ZGPAT: variants seen among roughly 807,000 people sequenced by gnomAD.
ZGPAT encodes the protein zinc finger CCCH-type and G-patch domain containing.
Under a neutral mutation model 47.9 loss-of-function variants are expected in ZGPAT, and 39 were observed. That is an observed-to-expected ratio of 0.81 (90% CI 0.63 to 1.06). The LOEUF is 1.06. Ranked by LOEUF, ZGPAT falls within the 50% of genes least tolerant of loss-of-function variation. The pLI, the probability that ZGPAT is intolerant of heterozygous loss-of-function variation, is 0.00. For synonymous variants in ZGPAT, 348 were observed against 292.9 expected, an observed-to-expected ratio of 1.19 and a Z score of -1.92; for missense variants, 717 against 681.4, an observed-to-expected ratio of 1.05 and a Z score of -0.58.
rs751698813 is a variant in ZGPAT, at chr20:63,735,299, T to A, written c.1132T>A (p.Cys378Ser). The part of the protein sequence containing the change: ...GKAGTNKPPR[C>S]RGRGARPGGR... ...GGCTGGCACCAACAAGCCCCCCAGG[T>A]GCCGGGGAAGAGGGGCCAGGCCTGG... Residue 378 changes from cysteine to serine, a missense_variant, in exon 6 of 7, where the codon TGC becomes AGC. By Grantham distance (112) the Cys-to-Ser change is moderately radical. Coordinates refer to ENST00000355969, the MANE Select transcript of ZGPAT (RefSeq NM_181485.3). 132 of 1,601,630 alleles carry A rather than the reference T, an allele frequency of 8.2e-5. No individual in the cohort carries two copies. Among genetic ancestry groups the A allele is most frequent in the Non-Finnish European group, 1.1e-4 (126 of 1,174,128 alleles).
chr20:63,726,966 C>T (rs1433598835), intron 2 of ZGPAT, among the ~76,000 whole-genome samples: 4 of 152,188 alleles, frequency 2.6e-5, no homozygotes, highest in South Asian at 4.2e-4. Context: ...CAGACTGGTA[C>T]GTTTATTACA....
chr20:63,734,222 G>GTA (rs762612930), intron 4 of ZGPAT: 10 of 249,774 alleles, frequency 4.0e-5, no homozygotes, highest in Non-Finnish European at 7.0e-5. Flanking sequence ...GCGTGTGTGT[G>GTA]TATATATGTG....
chr20:63,707,605 G>T (rs535711122), upstream of ZGPAT: 16 of 153,372 alleles, frequency 1.0e-4, no homozygotes, highest in African/African-American at 1.7e-4. Flanking sequence ...GGACGGCCCT[G>T]GGGGGAGCGG....
chr20:63,718,782 C>G (rs988597877), intron 2 of ZGPAT, among the ~76,000 whole-genome samples: 1 of 150,794 alleles, frequency 6.6e-6, no homozygotes, highest in Admixed American at 6.6e-5. Flanking sequence ...AAAATGCCAT[C>G]TTGGCTGGGC....
intron 2 of ZGPAT, among the ~76,000 whole-genome samples, chr20:63,723,478 T>C (rs372010527): frequency 2.4e-5 from 3 of 123,400 alleles, no homozygotes; most frequent in African/African-American, 6.2e-5. Context: ...TCCTCTGACA[T>C]AGCTCCATCC....
rs544002037 is a variant in ZGPAT at position 63,731,714 on chromosome 20, TGA to T, written c.585-1502_585-1501del. On this transcript the variant is annotated intron_variant, in intron 2 of 6. Coordinates refer to ENST00000355969, the MANE Select transcript of ZGPAT (RefSeq NM_181485.3). ...AAGTACAGTTGGCCCTTTGTGTGTG[TGA>T]GATTGTGTGTGCATACGTGTGTAAA... Among the ~76,000 whole-genome samples, 14 of 140,344 alleles carry T rather than the reference TGA, an allele frequency of 1.0e-4. No individual in the cohort carries two copies. In the East Asian group the frequency reaches 3.1e-3, roughly 31 times the overall value. The allele number at this position is 140,344 out of a possible 152,430, so 92.1% of individuals were successfully genotyped here. A position where few individuals can be genotyped will look rare whatever the true frequency, so the allele number is the denominator to read the frequency against.
chr20:63,718,280 C>G (rs2091751910), intron 2 of ZGPAT, among the ~76,000 whole-genome samples: 1 of 151,992 alleles, frequency 6.6e-6, no homozygotes, highest in South Asian at 2.1e-4. Context: ...ACTCGTTATT[C>G]AAGAGTGTCT....
Position 63,733,214 on chromosome 20 carries a change from T to C in ZGPAT, c.585-5T>C. 1 of 1,613,012 alleles carries C rather than the reference T, an allele frequency of 6.2e-7. No homozygotes were observed. The highest frequency in any genetic ancestry group is 8.5e-7 in the Non-Finnish European group (1 of 1,179,282). ...GAGCCCTGCCCCTTACGGCTCTGTC[T>C]GCAGGTTCTCCCATGGGCAGGTGGT... On this transcript the variant is annotated splice_polypyrimidine_tract_variant and splice_region_variant and intron_variant, in intron 2 of 6. Coordinates refer to ENST00000355969, the MANE Select transcript of ZGPAT (RefSeq NM_181485.3).
chr20:63,709,802 C>A (rs191361671), intron 2 of ZGPAT, among the ~76,000 whole-genome samples: 11 of 152,048 alleles, frequency 7.2e-5, no homozygotes, highest in African/African-American at 2.4e-4. Context: ...CCTCAGCCCC[C>A]CTAGGAGCTG....
At chr20:63,729,026 CTTTTTTTCTTTTTTTT>C (rs1457284128) in intron 2 of ZGPAT, among the ~76,000 whole-genome samples, 1 of 148,108 alleles carries the variant, frequency 6.8e-6, no homozygotes, top group Non-Finnish European at 1.5e-5. Context: ...ATTATTTTTT[CTTTTTTTCTTTTTTTT>C]TTTTTTTGAG....
intron 2 of ZGPAT, among the ~76,000 whole-genome samples, chr20:63,715,944 A>G (rs531365948): frequency 3.3e-5 from 5 of 152,366 alleles, no homozygotes; most frequent in South Asian, 4.1e-4. Context: ...GCTAAAACGT[A>G]TAACTGTAGT....
chr20:63,718,734 G>A (rs1297244721), intron 2 of ZGPAT, among the ~76,000 whole-genome samples: 1 of 151,826 alleles, frequency 6.6e-6, no homozygotes, highest in Non-Finnish European at 1.5e-5. Context: ...GAGATTACAG[G>A]TGTGAGTCAC....
At chr20:63,732,601 G>A (rs187919056) in intron 2 of ZGPAT, among the ~76,000 whole-genome samples, 31 of 144,596 alleles carry the variant, frequency 2.1e-4, no homozygotes, top group Non-Finnish European at 4.1e-4. Context: ...ATGTTTATAC[G>A]CGTGTCAGGG....
intron 6 of ZGPAT, 69 bp downstream of exon 6, chr20:63,735,633 A>C: frequency 6.7e-7 from 1 of 1,494,200 alleles, no homozygotes; most frequent in Non-Finnish European, 8.9e-7. Context: ...TACATGCTGG[A>C]GGTCACCTGA....
At chr20:63,721,936 C>G (rs1178077373) in intron 2 of ZGPAT, among the ~76,000 whole-genome samples, 1 of 151,116 alleles carries the variant, frequency 6.6e-6, no homozygotes, top group African/African-American at 2.4e-5. Flanking sequence ...TTGCTTGAGC[C>G]TGGGAGGCGG....
At chr20:63,715,727 AG>A (rs1255919126) in intron 2 of ZGPAT, among the ~76,000 whole-genome samples, 1 of 152,100 alleles carries the variant, frequency 6.6e-6, no homozygotes, top group Non-Finnish European at 1.5e-5. Context: ...AGAATGAGTT[AG>A]GAAGTATTCT....
chr20:63,715,105 T>C (rs1156606063), intron 2 of ZGPAT, among the ~76,000 whole-genome samples: 1 of 152,050 alleles, frequency 6.6e-6, no homozygotes, highest in Non-Finnish European at 1.5e-5. Context: ...TTTATTATTA[T>C]TATTTTTGTA....
At chr20:63,732,954 GTA>G (rs2091935262) in intron 2 of ZGPAT, among the ~76,000 whole-genome samples, 3 of 151,674 alleles carry the variant, frequency 2.0e-5, no homozygotes, top group Non-Finnish European at 2.9e-5. Flanking sequence ...GTATATATGT[GTA>G]TGTGTGAGTG....
At chr20:63,734,536 TG>T (rs2091957516) in intron 4 of ZGPAT, 168 bp from the exon 5 acceptor site, 3 of 1,302,924 alleles carry the variant, frequency 2.3e-6, no homozygotes, top group Non-Finnish European at 3.1e-6. Context: ...GCCCAAGAGG[TG>T]GGGTGTCGTG....
Sources: allele counts gnomAD v4.1 joint callset (sites outside exome capture counted in the v4.1 genomes callset), GRCh38; gene constraint gnomAD v4.1.1; transcripts MANE v1.5; gene names NCBI Gene and HGNC (gene_info 2026-07-23, HGNC 2026-07-21).